Variants in GLIS3 observed in about 807,000 individuals in gnomAD.
GLIS3 encodes the protein zinc finger protein GLIS3.
In GLIS3, 53 loss-of-function variants were observed where a neutral mutation model predicts 78.6. That is an observed-to-expected ratio of 0.67 (90% CI 0.54 to 0.85). The LOEUF (loss-of-function observed/expected upper bound fraction) is 0.85. Among genes scored for constraint, GLIS3 ranks in the 40% least tolerant of loss-of-function variants. GLIS3 has a pLI of 0.00. For missense variants in GLIS3, 1,703 were observed against 1,231.1 expected, an observed-to-expected ratio of 1.38 and a Z score of -5.74; for synonymous variants, 684 against 509.9, an observed-to-expected ratio of 1.34 and a Z score of -4.60.
In GLIS3 at chr9:3,982,104, T is replaced by C. The variant is rs998020509; in HGVS notation, c.1711-44915A>G. On this transcript the variant is annotated intron_variant, in intron 4 of 10. Transcript: ENST00000381971. ...CCTTTGCTGTTTCCACATAGTGCTATTGTATTTACTTGCTAATGCATAGAA... is the reference window on the plus strand; with the variant it reads ...CCTTTGCTGTTTCCACATAGTGCTACTGTATTTACTTGCTAATGCATAGAA... Among the ~76,000 whole-genome samples, 5 of 152,338 alleles carry C rather than the reference T, an allele frequency of 3.3e-5. 1 individual carries two copies. The highest frequency in any genetic ancestry group is 6.8e-3 in the Middle Eastern group (2 of 292).
chr9:4,192,355 G>A (rs1818403956), intron 2 of GLIS3, among the ~76,000 whole-genome samples: 1 of 152,186 alleles, frequency 6.6e-6, no homozygotes, highest in African/African-American at 2.4e-5. Context: ...TTTTATTTCA[G>A]TGACATGATG....
intron 2 of GLIS3, among the ~76,000 whole-genome samples, chr9:4,189,853 A>G (rs1417090890): frequency 6.6e-6 from 1 of 151,820 alleles, no homozygotes; most frequent in African/African-American, 2.4e-5. Flanking sequence ...TGCTTGGTAG[A>G]TCTTCCTTCA....
intron 2 of GLIS3, among the ~76,000 whole-genome samples, chr9:4,195,297 G>A (rs1818714330): frequency 6.6e-6 from 1 of 152,216 alleles, no homozygotes; most frequent in African/African-American, 2.4e-5. Context: ...GAGGTGTGGA[G>A]GGAGAGGCGC....
the GLIS3 span, among the ~76,000 whole-genome samples, chr9:4,488,792 A>G: frequency 6.6e-6 from 1 of 152,190 alleles, no homozygotes; most frequent in Non-Finnish European, 1.5e-5. Flanking sequence ...TGCTGGAATT[A>G]CAGGTGTGAG....
intron 2 of GLIS3, among the ~76,000 whole-genome samples, chr9:4,197,956 CAA>C (rs1411578293): frequency 6.6e-6 from 1 of 151,118 alleles, no homozygotes; most frequent in Non-Finnish European, 1.5e-5. Flanking sequence ...GAGAAAGAGA[CAA>C]AAAGAAAGAA....
the GLIS3 span, among the ~76,000 whole-genome samples, chr9:4,464,582 G>T: frequency 6.6e-6 from 1 of 151,726 alleles, no homozygotes; most frequent in African/African-American, 2.4e-5. Flanking sequence ...TTTAGTAGAG[G>T]CGGGATTTCA....
chr9:3,939,312 G>C (rs577197979), intron 4 of GLIS3, among the ~76,000 whole-genome samples: 1 of 152,202 alleles, frequency 6.6e-6, no homozygotes, highest in Non-Finnish European at 1.5e-5. Context: ...CTACCATAGA[G>C]GGATTAGAAG....
chr9:4,258,658 C>A (rs1825215467), intron 2 of GLIS3, among the ~76,000 whole-genome samples: 1 of 152,102 alleles, frequency 6.6e-6, no homozygotes, highest in African/African-American at 2.4e-5. Context: ...TGTAAATCAC[C>A]CCTTAGAAAC....
chr9:4,234,004 C>G (rs948698241), intron 2 of GLIS3, among the ~76,000 whole-genome samples: 1 of 152,178 alleles, frequency 6.6e-6, no homozygotes, highest in Non-Finnish European at 1.5e-5. Context: ...AGCTCCCTCA[C>G]GTCTCTCAGC....
chr9:3,926,375 C>A (rs1263065066), intron 6 of GLIS3, among the ~76,000 whole-genome samples: 1 of 151,560 alleles, frequency 6.6e-6, no homozygotes, highest in Non-Finnish European at 1.5e-5. Context: ...GGACTAAAGG[C>A]GCCAGCCACC....
intron 2 of GLIS3, among the ~76,000 whole-genome samples, chr9:4,193,208 G>A (rs767456888): frequency 2.0e-5 from 3 of 152,342 alleles, no homozygotes; most frequent in Non-Finnish European, 4.4e-5. Context: ...GGCTAAGAAT[G>A]TTCTTTACAT....
Position 4,190,472 on chromosome 9 carries a change from A to G in GLIS3, c.389-64531T>C, listed in dbSNP as rs578186399. On this transcript the variant is annotated intron_variant, in intron 2 of 10. Coordinates refer to ENST00000381971, the MANE Select transcript of GLIS3 (RefSeq NM_001042413.2). Reference sequence around the variant, plus strand: ...ATGAATGAAATGAAGCGAGAAGGGAAGTTTAGAGAAAAAAGAATAAAAACA... The same window carrying G: ...ATGAATGAAATGAAGCGAGAAGGGAGGTTTAGAGAAAAAAGAATAAAAACA... Among the ~76,000 whole-genome samples, 12 of 137,458 alleles carry G rather than the reference A, an allele frequency of 8.7e-5. 2 individuals are homozygous for G. Among genetic ancestry groups the G allele is most frequent in the Non-Finnish European group, 1.8e-4 (11 of 60,996 alleles). The allele number at this position is 137,458 out of a possible 152,430, so 90.2% of individuals were successfully genotyped here. A position where few individuals can be genotyped will look rare whatever the true frequency, so the allele number is the denominator to read the frequency against.
At chr9:3,843,360 TG>T (rs1818839004) in intron 9 of GLIS3, among the ~76,000 whole-genome samples, 1 of 152,214 alleles carries the variant, frequency 6.6e-6, no homozygotes, top group Admixed American at 6.5e-5. Context: ...CTATTATATA[TG>T]GTTAGGCTTC....
At chr9:4,099,417 C>T (rs1050070622) in intron 4 of GLIS3, among the ~76,000 whole-genome samples, 1 of 151,692 alleles carries the variant, frequency 6.6e-6, no homozygotes, top group African/African-American at 2.4e-5. Flanking sequence ...TTGGAGTTGC[C>T]CCCCCGAGCC....
chr9:3,828,539 C>T (rs1391537854), intron 10 of GLIS3, 131 bp from the exon 11 acceptor site: 4 of 1,142,794 alleles, frequency 3.5e-6, no homozygotes, highest in Non-Finnish European at 5.1e-6. Flanking sequence ...AGCCTGGGCC[C>T]TATAGTGAGT....
At chr9:3,961,912 G>C (rs1224011410) in intron 4 of GLIS3, among the ~76,000 whole-genome samples, 1 of 152,096 alleles carries the variant, frequency 6.6e-6, no homozygotes, top group Non-Finnish European at 1.5e-5. Flanking sequence ...GAATATGAAA[G>C]TAGCATTACT....
At chr9:4,232,764 G>C (rs759229938) in intron 2 of GLIS3, among the ~76,000 whole-genome samples, 1 of 152,182 alleles carries the variant, frequency 6.6e-6, no homozygotes, top group Non-Finnish European at 1.5e-5. Flanking sequence ...GAGACTATCT[G>C]TGTCATTCCT....
intron 2 of GLIS3, among the ~76,000 whole-genome samples, chr9:4,205,955 T>C (rs1176528094): frequency 1.3e-5 from 2 of 152,214 alleles, no homozygotes; most frequent in African/African-American, 2.4e-5. Flanking sequence ...TTTTTTTTAG[T>C]TTGTTTTTGT....
chr9:3,840,633 T>C (rs1818654278), intron 9 of GLIS3, among the ~76,000 whole-genome samples: 1 of 152,168 alleles, frequency 6.6e-6, no homozygotes. Flanking sequence ...TTGAGGCACA[T>C]TTCTTTTGAA....
Sources: allele counts gnomAD v4.1 joint callset (sites outside exome capture counted in the v4.1 genomes callset), GRCh38; gene constraint gnomAD v4.1.1; transcripts MANE v1.5; gene names NCBI Gene and HGNC (gene_info 2026-07-23, HGNC 2026-07-21).